SEL1L3: variants seen among roughly 807,000 people sequenced by gnomAD.
SEL1L3 encodes protein sel-1 homolog 3.
SEL1L3 carries 76 observed loss-of-function variants against 142.8 expected under a neutral mutation model. The observed-to-expected ratio is 0.53, with a 90% CI of 0.44 to 0.64. The LOEUF is 0.64. Ranked by LOEUF, SEL1L3 falls within the 30% of genes least tolerant of loss-of-function variation. The pLI is 0.00. For missense variants in SEL1L3, 1,262 were observed against 1,381.7 expected, an observed-to-expected ratio of 0.91 and a Z score of 1.37; for synonymous variants, 504 against 519.6, an observed-to-expected ratio of 0.97 and a Z score of 0.41.
intron 17 of SEL1L3, among the ~76,000 whole-genome samples, chr4:25,775,077 C>T (rs146071745): frequency 1.3e-5 from 2 of 152,198 alleles, no homozygotes; most frequent in African/African-American, 4.8e-5. Context: ...AAGCGAGAAG[C>T]AGAGAATGAG....
chr4:25,840,134 T>C (rs1171395754), intron 2 of SEL1L3, among the ~76,000 whole-genome samples: 1 of 152,212 alleles, frequency 6.6e-6, no homozygotes, highest in Non-Finnish European at 1.5e-5. Flanking sequence ...AAAGAAAGGT[T>C]GAGAATAATA....
rs747939734 is a variant in SEL1L3 at position 25,759,088 on chromosome 4, CA to C, written c.2956-21del. 7 of 1,610,516 alleles carry C rather than the reference CA, an allele frequency of 4.3e-6. No individual in the cohort carries two copies. The African/African-American group carries it at 6.7e-5, about 15-fold the overall frequency. On this transcript the variant is annotated intron_variant, in intron 20 of 23. Coordinates refer to ENST00000399878, the MANE Select transcript of SEL1L3 (RefSeq NM_015187.5). ...AAATCCCTAAAAACAAGCCACAAAC[CA>C]AACTCATCAAATCCTTGAAATAAAA...
At chr4:25,722,589 T>A in the SEL1L3 span, among the ~76,000 whole-genome samples, 1 of 149,170 alleles carries the variant, frequency 6.7e-6, no homozygotes, top group Admixed American at 6.7e-5. Flanking sequence ...ATTTCGATCA[T>A]AAGAGCCACA....
chr4:25,790,222 C>T (rs989006312), intron 12 of SEL1L3, among the ~76,000 whole-genome samples: 1 of 152,142 alleles, frequency 6.6e-6, no homozygotes, highest in Admixed American at 6.5e-5. Flanking sequence ...GCTGGTAAGG[C>T]GCTATGGCCA....
the SEL1L3 span, among the ~76,000 whole-genome samples, chr4:25,728,499 G>A: frequency 5.2e-4 from 79 of 152,188 alleles, 2 homozygotes; most frequent in Admixed American, 5.0e-3. Flanking sequence ...CCATGCCCTT[G>A]CTCATCAGTT....
At chr4:25,748,645 C>T (rs984286053) in intron 23 of SEL1L3, 81 bp from the exon 24 acceptor site, 19 of 1,458,884 alleles carry the variant, frequency 1.3e-5, no homozygotes, top group Admixed American at 8.3e-5. Flanking sequence ...GAGACTCTGG[C>T]AAGCCAGGAG....
Position 25,747,913 on chromosome 4 carries a change from A to G in SEL1L3, c.*512T>C, listed in dbSNP as rs1371790964. 1 of 152,866 alleles carries G rather than the reference A, an allele frequency of 6.5e-6. No homozygotes were observed. Among genetic ancestry groups the G allele is most frequent in the African/African-American group, 2.4e-5 (1 of 41,460 alleles). 9.5% of individuals were successfully genotyped at this position (152,866 alleles called of 1,614,324 possible). ...TTCCAGGCACAAACAATTTATTTCA[A>G]GGTGCCTTATAACTGCTAGGTCTTG... On this transcript the variant is annotated 3_prime_UTR_variant, in exon 24 of 24. Coordinates refer to ENST00000399878, the MANE Select transcript of SEL1L3 (RefSeq NM_015187.5).
chr4:25,741,985 T>G, the SEL1L3 span, among the ~76,000 whole-genome samples: 36 of 151,962 alleles, frequency 2.4e-4, no homozygotes, highest in South Asian at 4.2e-4. Flanking sequence ...ATTTTTTTTG[T>G]AGTTTTAGTA....
At chr4:25,853,711 G>A (rs1361932261) in intron 1 of SEL1L3, among the ~76,000 whole-genome samples, 5 of 115,126 alleles carry the variant, frequency 4.3e-5, no homozygotes, top group Admixed American at 1.2e-4. Context: ...TCGCTCTGTC[G>A]CCCAGGCTGG....
Position 25,772,524 on chromosome 4 carries a change from T to C in SEL1L3, c.2669+3753A>G, listed in dbSNP as rs146941827. Among the ~76,000 whole-genome samples, 38 of 147,670 alleles carry C rather than the reference T, an allele frequency of 2.6e-4. No individual in the cohort carries two copies. The East Asian group carries it at 7.0e-3, about 27-fold the overall frequency. ...CTTTCTATTTGCCCTATGAGATACA[T>C]AAAAAATGCTCATGGCCGCATTGAT... is the stretch of plus-strand genomic sequence containing the variant. On this transcript the variant is annotated intron_variant, in intron 17 of 23. Coordinates refer to ENST00000399878, the MANE Select transcript of SEL1L3 (RefSeq NM_015187.5).
intron 3 of SEL1L3, 27 bp downstream of exon 3, chr4:25,835,170 C>T (rs772318884): frequency 2.5e-6 from 4 of 1,613,042 alleles, no homozygotes; most frequent in Non-Finnish European, 3.4e-6. Context: ...ACCGCCCGAT[C>T]AGCTCCCTTC....
chr4:25,848,052 A>G (rs1347850913), intron 1 of SEL1L3, among the ~76,000 whole-genome samples, 188 bp from the exon 2 acceptor site: 1 of 152,194 alleles, frequency 6.6e-6, no homozygotes, highest in Non-Finnish European at 1.5e-5. Flanking sequence ...CACAAATACA[A>G]AGGAAGATGA....
At position 25,818,917 on chromosome 4, in the gene SEL1L3, C is replaced by T. The variant is rs191289337; in HGVS notation, c.1424-639G>A. On this transcript the variant is annotated intron_variant, in intron 8 of 23. Transcript: ENST00000399878. ...ACCATCTGTAATCACTACCTGGGAC[C>T]ATTTCATGTGAACCCTATTGGACTG... Among the ~76,000 whole-genome samples, 15 of 152,214 alleles carry T rather than the reference C, an allele frequency of 9.9e-5. No individual in the cohort carries two copies. In the East Asian group the frequency reaches 2.9e-3, roughly 29 times the overall value.
rs1029012641 is a variant in SEL1L3, at chr4:25,856,484, T to A, written c.162+6191A>T. On this transcript the variant is annotated intron_variant, in intron 1 of 23. Coordinates refer to ENST00000399878, the MANE Select transcript of SEL1L3 (RefSeq NM_015187.5). ...CCTGAAAAATGCTTGAGCCCTCAAA[T>A]ATGTTTATACCAGATGTGAGCCCTC... 6.6e-5 allele frequency among the ~76,000 whole-genome samples: 10 copies of A among 151,796 alleles called. No individual in the cohort carries two copies. The Middle Eastern group carries it at 0.01, about 155-fold the overall frequency.
chr4:25,772,514 A>G (rs561702380), intron 17 of SEL1L3, among the ~76,000 whole-genome samples: 1 of 152,282 alleles, frequency 6.6e-6, no homozygotes, highest in South Asian at 2.1e-4. Flanking sequence ...TATTTGCCCT[A>G]TGAGATACAT....
chr4:25,760,812 G>C (rs375425244), intron 20 of SEL1L3, among the ~76,000 whole-genome samples: 1 of 152,130 alleles, frequency 6.6e-6, no homozygotes, highest in African/African-American at 2.4e-5. Flanking sequence ...TGCCATATGC[G>C]AGGCATTGTT....
intron 11 of SEL1L3, among the ~76,000 whole-genome samples, chr4:25,794,658 A>G (rs1712586602): frequency 6.6e-6 from 1 of 152,202 alleles, no homozygotes; most frequent in Non-Finnish European, 1.5e-5. Context: ...CAGTGTGACG[A>G]TTCCCCAAAG....
chr4:25,776,372 A>G lies in SEL1L3; in HGVS notation c.2586-12T>C, dbSNP rs1577586092. On this transcript the variant is annotated splice_polypyrimidine_tract_variant and intron_variant, in intron 16 of 23. Transcript: ENST00000399878. The stretch of plus-strand genomic sequence containing the variant: ...CATGTTTTGCCCATCTGAAAAAAAA[A>G]AGGGAAGAGAAAATACGCAAACCAT... 6.3e-7 allele frequency: 1 copy of G among 1,594,758 alleles called. No homozygotes were observed. The highest frequency in any genetic ancestry group is 8.6e-7 in the Non-Finnish European group (1 of 1,164,096).
At chr4:25,734,894 ATTG>A in the SEL1L3 span, among the ~76,000 whole-genome samples, 2 of 152,098 alleles carry the variant, frequency 1.3e-5, no homozygotes, top group African/African-American at 4.8e-5. Context: ...TATGAGGAAT[ATTG>A]ATCTGAGTTT....
Sources: allele counts gnomAD v4.1 joint callset (sites outside exome capture counted in the v4.1 genomes callset), GRCh38; gene constraint gnomAD v4.1.1; transcripts MANE v1.5; gene names NCBI Gene and HGNC (gene_info 2026-07-23, HGNC 2026-07-21).